ATOH8: variants seen among roughly 807,000 people sequenced by gnomAD.
The protein encoded by ATOH8 is atonal bHLH transcription factor 8, also known as transcription factor ATOH8.
Under a neutral mutation model 21.2 loss-of-function variants are expected in ATOH8, and 9 were observed. The ratio of observed to expected loss-of-function variants is 0.42; its 90% confidence interval spans 0.26 to 0.74. The LOEUF (loss-of-function observed/expected upper bound fraction) is 0.74. Ranked by LOEUF, ATOH8 falls within the 30% of genes least tolerant of loss-of-function variation. The pLI, the probability that ATOH8 is intolerant of heterozygous loss-of-function variation, is 0.24. For missense variants in ATOH8, 524 were observed against 470.9 expected, an observed-to-expected ratio of 1.11 and a Z score of -1.04; for synonymous variants, 253 against 224.0, an observed-to-expected ratio of 1.13 and a Z score of -1.16.
rs1194328946 is a variant in ATOH8 at position 85,789,844 on chromosome 2, A to ATATG, written c.*2964_*2967dup. ...TGGGTGGATGTGTGTGTGTGCACAC[A>ATATG]TATGTATGTATGTGGATGACTAAAA... On this transcript the variant is annotated 3_prime_UTR_variant, in exon 3 of 3. Coordinates refer to ENST00000306279, the MANE Select transcript of ATOH8 (RefSeq NM_032827.7). Among the ~76,000 whole-genome samples, 1 of 151,998 alleles carries ATATG rather than the reference A, an allele frequency of 6.6e-6. No homozygotes were observed. Among genetic ancestry groups the ATATG allele is most frequent in the East Asian group, 1.9e-4 (1 of 5,170 alleles).
intron 2 of ATOH8, among the ~76,000 whole-genome samples, chr2:85,765,264 G>T (rs1341117783): frequency 6.6e-6 from 1 of 152,170 alleles, no homozygotes; most frequent in East Asian, 1.9e-4. Flanking sequence ...TTCCTGGCCT[G>T]CCCCTCCCCC....
chr2:85,769,419 C>T (rs1364762684), intron 2 of ATOH8, among the ~76,000 whole-genome samples: 4 of 152,206 alleles, frequency 2.6e-5, no homozygotes, highest in Non-Finnish European at 5.9e-5. Context: ...TGTGCCAGTG[C>T]TGGGAAGGCG....
intron 2 of ATOH8, among the ~76,000 whole-genome samples, chr2:85,784,308 C>T (rs1432211329): frequency 6.6e-6 from 1 of 151,984 alleles, no homozygotes; most frequent in Non-Finnish European, 1.5e-5. Flanking sequence ...GAGGCTGAGG[C>T]GAGGGGATTG....
rs1680732090 is a variant in ATOH8 at position 85,790,189 on chromosome 2, CA to C, written c.*3300del. 6.6e-6 allele frequency among the ~76,000 whole-genome samples: 1 copy of C among 152,222 alleles called. No individual in the cohort carries two copies. Among genetic ancestry groups the C allele is most frequent in the South Asian group, 2.1e-4 (1 of 4,832 alleles). On this transcript the variant is annotated 3_prime_UTR_variant, in exon 3 of 3. Transcript: ENST00000306279. ...CAGAGTCACCTGTGGATGTTTGTAG[CA>C]CACTCTCCTTGTCTTGTCTGCTCTG...
rs753274495 is a variant in ATOH8, at chr2:85,754,820, A to G, written c.631A>G (p.Arg211Gly). ...CCACCAGGATTCCTCCGCGTCGCCT[A>G]GGAAACGACCGGGCGAAGCGACTGC... is the stretch of plus-strand genomic sequence containing the variant. Reference protein sequence around the residue: ...NNHQDSSASPRKRPGEATAAS... With the variant: ...NNHQDSSASPGKRPGEATAAS... Residue 211 changes from arginine to glycine, a missense_variant, in exon 1 of 3, where the codon AGG (arginine) becomes GGG (glycine). Coordinates refer to ENST00000306279, the MANE Select transcript of ATOH8 (RefSeq NM_032827.7). 1 of 1,612,852 alleles carries G rather than the reference A, an allele frequency of 6.2e-7. No homozygotes were observed. Among genetic ancestry groups the G allele is most frequent in the Non-Finnish European group, 8.5e-7 (1 of 1,179,914 alleles).
Position 85,788,926 on chromosome 2 carries a change from C to T in ATOH8, c.*2036C>T, listed in dbSNP as rs1022870061. Among the ~76,000 whole-genome samples, 1 of 152,156 alleles carries T rather than the reference C, an allele frequency of 6.6e-6. No individual in the cohort carries two copies. The highest frequency in any genetic ancestry group is 1.5e-5 in the Non-Finnish European group (1 of 68,030). ...AAAGGTGCTCTGGAAGCAGACTGGA[C>T]AGAGTGGGCATGGAATGGGGCCAGG... On this transcript the variant is annotated 3_prime_UTR_variant, in exon 3 of 3. Transcript: ENST00000306279.
Position 85,789,132 on chromosome 2 carries a change from C to A in ATOH8, c.*2242C>A, listed in dbSNP as rs1573542422. Among the ~76,000 whole-genome samples the A allele has an allele frequency of 6.6e-6, 1 of 152,304 alleles. No homozygotes were observed. The highest frequency in any genetic ancestry group is 1.9e-4 in the East Asian group (1 of 5,182). The stretch of plus-strand genomic sequence containing the variant: ...ATTTCTATTACCAAAGGGAGTGTAC[C>A]CCATTCTGCTGCCAAGGGAGCAAAC... On this transcript the variant is annotated 3_prime_UTR_variant, in exon 3 of 3. Coordinates refer to ENST00000306279, the MANE Select transcript of ATOH8 (RefSeq NM_032827.7).
At chr2:85,767,013 C>T (rs182013761) in intron 2 of ATOH8, among the ~76,000 whole-genome samples, 4 of 152,292 alleles carry the variant, frequency 2.6e-5, no homozygotes, top group African/African-American at 9.6e-5. Flanking sequence ...TACTTCCCTG[C>T]CTCCTGGGGC....
chr2:85,760,823 C>T (rs1419956598), intron 1 of ATOH8: 1 of 152,262 alleles, frequency 6.6e-6, no homozygotes, highest in Non-Finnish European at 1.5e-5. Context: ...GTGAGCTGCC[C>T]AGGCATTGCT....
At position 85,754,400 on chromosome 2, in the gene ATOH8, C is replaced by G. The variant is rs1366182785; in HGVS notation, c.211C>G (p.Pro71Ala). The G allele has an allele frequency of 1.3e-6, 2 of 1,574,718 alleles. No homozygotes were observed. Among genetic ancestry groups the G allele is most frequent in the Admixed American group, 3.6e-5 (2 of 55,646 alleles). Residue 71 changes from proline to alanine, a missense_variant, in exon 1 of 3, where the codon CCG becomes GCG. Coordinates refer to ENST00000306279, the MANE Select transcript of ATOH8 (RefSeq NM_032827.7). ...CAGGACCCATCGGCTGCAGCCGGTCCCGGTACCGGTGCCGGTGCCAGTCCC... is the reference window on the plus strand; with the variant it reads ...CAGGACCCATCGGCTGCAGCCGGTCGCGGTACCGGTGCCGGTGCCAGTCCC... ...RDRTHRLQPV[P>A]VPVPVPVPVA...
Position 85,788,479 on chromosome 2 carries a change from G to C in ATOH8, c.*1589G>C, listed in dbSNP as rs1244573358. On this transcript the variant is annotated 3_prime_UTR_variant, in exon 3 of 3. Transcript: ENST00000306279. ...ATCCTGTGCTCTCAAACCTTTTCCA[G>C]CCCCATCACCAGTCCCAGCCCAAAG... 6.6e-6 allele frequency among the ~76,000 whole-genome samples: 1 copy of C among 152,228 alleles called. No homozygotes were observed. The highest frequency in any genetic ancestry group is 1.9e-4 in the East Asian group (1 of 5,176).
intron 2 of ATOH8, among the ~76,000 whole-genome samples, chr2:85,779,661 G>T (rs1321863519): frequency 6.6e-6 from 1 of 152,244 alleles, no homozygotes; most frequent in African/African-American, 2.4e-5. Context: ...ACTGAGGTCT[G>T]TAGGGGTTAA....
At position 85,789,719 on chromosome 2, in the gene ATOH8, G is replaced by C. The variant is rs948843930; in HGVS notation, c.*2829G>C. Among the ~76,000 whole-genome samples, 1 of 152,228 alleles carries C rather than the reference G, an allele frequency of 6.6e-6. No homozygotes were observed. The highest frequency in any genetic ancestry group is 1.5e-5 in the Non-Finnish European group (1 of 68,036). On this transcript the variant is annotated 3_prime_UTR_variant, in exon 3 of 3. Transcript: ENST00000306279. The stretch of plus-strand genomic sequence containing the variant: ...ATTGGGATTTTTACAAGCTCCTCAA[G>C]TGATCTTAATGTGCAGGCAAGGTTG...
chr2:85,758,999 T>C (rs963374974), intron 1 of ATOH8, among the ~76,000 whole-genome samples: 2 of 152,130 alleles, frequency 1.3e-5, no homozygotes, highest in African/African-American at 4.8e-5. Context: ...TCCCTCAGGG[T>C]TGATGGAGGA....
chr2:85,754,290 C>A lies in ATOH8; in HGVS notation c.101C>A (p.Ala34Glu). 1.2e-6 allele frequency: 2 copies of A among 1,609,980 alleles called. No individual in the cohort carries two copies. The highest frequency in any genetic ancestry group is 1.7e-6 in the Non-Finnish European group (2 of 1,178,812). The stretch of plus-strand genomic sequence containing the variant: ...CTCAAGCGGAAAGGCAAGGAGCCGG[C>A]GCGGCGCGCGAACGGCTATAAAACT... ...KKLKRKGKEP[A>E]RRANGYKTFR... The change falls in exon 1 of 3, where the codon GCG (alanine) becomes GAG (glutamate). Residue 34 changes from alanine to glutamate, a missense_variant. Coordinates refer to ENST00000306279, the MANE Select transcript of ATOH8 (RefSeq NM_032827.7).
intron 2 of ATOH8, among the ~76,000 whole-genome samples, chr2:85,779,124 G>T (rs1680415101): frequency 6.6e-6 from 1 of 152,260 alleles, no homozygotes; most frequent in Non-Finnish European, 1.5e-5. Flanking sequence ...TGCCTCTTCT[G>T]GCTCTGCAGT....
intron 2 of ATOH8, among the ~76,000 whole-genome samples, chr2:85,777,729 G>A (rs1390883410): frequency 6.6e-6 from 1 of 152,230 alleles, no homozygotes; most frequent in Non-Finnish European, 1.5e-5. Context: ...TCCTAGGATG[G>A]CGGAGCTGGG....
chr2:85,760,154 G>A (rs1466146336), intron 1 of ATOH8, among the ~76,000 whole-genome samples: 3 of 152,052 alleles, frequency 2.0e-5, no homozygotes, highest in African/African-American at 7.3e-5. Flanking sequence ...TGTTTTGGGG[G>A]CATATGGGAC....
intron 2 of ATOH8, among the ~76,000 whole-genome samples, chr2:85,783,060 A>G (rs1680537389): frequency 6.6e-6 from 1 of 152,254 alleles, no homozygotes; most frequent in Admixed American, 6.5e-5. Context: ...CAAACAAAAC[A>G]GGCCACGTCC....
Sources: gnomAD v4.1 joint callset for allele counts (sites outside exome capture counted in the v4.1 genomes callset) on GRCh38, gnomAD v4.1.1 for gene constraint, MANE v1.5 for transcripts, NCBI Gene and HGNC (gene_info 2026-07-23, HGNC 2026-07-21) for gene names.